Variants in CSMD1 observed in about 807,000 individuals in gnomAD.
The protein encoded by CSMD1 is CUB and sushi domain-containing protein 1.
In CSMD1, 213 loss-of-function variants were observed where a neutral mutation model predicts 417.5. That is an observed-to-expected ratio of 0.51 (90% CI 0.46 to 0.57). The LOEUF (loss-of-function observed/expected upper bound fraction) is 0.57. CSMD1 is among the 20% of genes least tolerant of loss of function. The pLI, the probability that CSMD1 is intolerant of heterozygous loss-of-function variation, is 0.00. For synonymous variants in CSMD1, 2,862 were observed against 1,736.8 expected (o/e 1.65, Z -16.11); for missense variants, 6,923 against 4,529.7 (o/e 1.53, Z -15.17).
intron 3 of CSMD1, among the ~76,000 whole-genome samples, chr8:4,212,335 T>C (rs1469508803): frequency 1.3e-5 from 2 of 152,074 alleles, no homozygotes; most frequent in Non-Finnish European, 2.9e-5. Context: ...TACAGGTAAC[T>C]TGAAGAAAAT....
chr8:4,249,791 G>C (rs1401754613), intron 3 of CSMD1, among the ~76,000 whole-genome samples: 1 of 152,116 alleles, frequency 6.6e-6, no homozygotes, highest in Non-Finnish European at 1.5e-5. Context: ...GGGAAATGAA[G>C]AACACAGTGT....
At chr8:4,303,722 C>G (rs893150067) in intron 3 of CSMD1, among the ~76,000 whole-genome samples, 15 of 151,928 alleles carry the variant, frequency 9.9e-5, no homozygotes, top group Non-Finnish European at 8.8e-5. Context: ...CTGTCATTAT[C>G]TTGGCTCACC....
chr8:3,477,091 G>C (rs988051096), intron 11 of CSMD1, among the ~76,000 whole-genome samples: 1 of 152,200 alleles, frequency 6.6e-6, no homozygotes, highest in East Asian at 1.9e-4. Context: ...TGTACACACA[G>C]AAAGTTCTAC....
At chr8:4,721,091 G>A (rs1162165038) in intron 1 of CSMD1, among the ~76,000 whole-genome samples, 2 of 152,124 alleles carry the variant, frequency 1.3e-5, no homozygotes, top group African/African-American at 4.8e-5. Flanking sequence ...GGGTTAAGGA[G>A]GAAGTATGAA....
At chr8:3,438,983 T>G (rs968964513) in intron 12 of CSMD1, among the ~76,000 whole-genome samples, 24 of 150,366 alleles carry the variant, frequency 1.6e-4, no homozygotes, top group Non-Finnish European at 3.3e-4. Flanking sequence ...GGCATGGTAG[T>G]GGGCACCTGT....
intron 3 of CSMD1, among the ~76,000 whole-genome samples, chr8:4,101,260 T>A (rs561856513): frequency 2.6e-5 from 4 of 152,348 alleles, no homozygotes; most frequent in African/African-American, 9.6e-5. Flanking sequence ...GGTTAACTCA[T>A]TGCAACACTT....
chr8:3,942,492 A>C (rs1221660374), intron 5 of CSMD1, among the ~76,000 whole-genome samples: 1 of 152,058 alleles, frequency 6.6e-6, no homozygotes, highest in Non-Finnish European at 1.5e-5. Flanking sequence ...TGGATGAGCA[A>C]TTTACCTTCA....
At chr8:4,426,321 T>C (rs1797552663) in intron 2 of CSMD1, among the ~76,000 whole-genome samples, 1 of 151,104 alleles carries the variant, frequency 6.6e-6, no homozygotes, top group African/African-American at 2.4e-5. Flanking sequence ...AAAAAGTTTT[T>C]TTAATTATGT....
chr8:3,128,906 G>A (rs201124105), intron 41 of CSMD1: 8 of 451,820 alleles, frequency 1.8e-5, no homozygotes, highest in Non-Finnish European at 3.1e-5. Context: ...TCCTCCTATT[G>A]CAAGAGACAA....
chr8:4,342,996 A>G (rs1040155175), intron 3 of CSMD1, among the ~76,000 whole-genome samples: 2 of 152,112 alleles, frequency 1.3e-5, no homozygotes, highest in Non-Finnish European at 2.9e-5. Context: ...GCTGTAGCGT[A>G]GATTGCAGTG....
At chr8:4,387,493 A>T (rs1326459714) in intron 3 of CSMD1, among the ~76,000 whole-genome samples, 1 of 148,630 alleles carries the variant, frequency 6.7e-6, no homozygotes, top group Admixed American at 6.8e-5. Flanking sequence ...TCATACTTGC[A>T]TAATTGTTCA....
At chr8:3,496,645 G>A (rs941316113) in intron 10 of CSMD1, among the ~76,000 whole-genome samples, 45 of 152,094 alleles carry the variant, frequency 3.0e-4, no homozygotes, top group Non-Finnish European at 8.8e-5. Flanking sequence ...GGCAAACAGA[G>A]TGAAACCCTG....
At chr8:4,120,489 G>T (rs536123567) in intron 3 of CSMD1, among the ~76,000 whole-genome samples, 1 of 152,228 alleles carries the variant, frequency 6.6e-6, no homozygotes, top group East Asian at 1.9e-4. Flanking sequence ...GCTAGAAGAA[G>T]AACCAGGAGA....
At chr8:3,090,975 T>C (rs1354830245) in intron 48 of CSMD1, among the ~76,000 whole-genome samples, 1 of 152,078 alleles carries the variant, frequency 6.6e-6, no homozygotes, top group Non-Finnish European at 1.5e-5. Flanking sequence ...ATGATTACAG[T>C]ATATAAAGGG....
intron 2 of CSMD1, among the ~76,000 whole-genome samples, chr8:4,535,202 A>G (rs1047588043): frequency 6.6e-6 from 1 of 152,234 alleles, no homozygotes; most frequent in Admixed American, 6.5e-5. Context: ...AACTGCTTGA[A>G]ATATCAATAA....
chr8:3,984,706 TATATATA>T (rs1563284789), intron 5 of CSMD1, among the ~76,000 whole-genome samples: 60 of 47,246 alleles, frequency 1.3e-3, no homozygotes, highest in African/African-American at 1.8e-3. Context: ...GTATATATCA[TATATATA>T]TATATATATA....
chr8:3,354,939 A>AGATATCTATATC (rs1808679174), intron 21 of CSMD1, among the ~76,000 whole-genome samples: 4 of 143,370 alleles, frequency 2.8e-5, no homozygotes, highest in African/African-American at 1.2e-4. Flanking sequence ...ATATAGATAT[A>AGATATCTATATC]TATAGAGAGA....
intron 6 of CSMD1, among the ~76,000 whole-genome samples, chr8:3,741,816 T>C (rs890612274): frequency 1.3e-5 from 2 of 152,164 alleles, no homozygotes; most frequent in Non-Finnish European, 2.9e-5. Context: ...CTTCTACCCT[T>C]TCTTTCTCAA....
rs181034365 is a variant in CSMD1 at position 3,305,171 on chromosome 8, C to T, written c.3950+2524G>A. On this transcript the variant is annotated intron_variant, in intron 25 of 69. Coordinates refer to ENST00000635120, the MANE Select transcript of CSMD1 (RefSeq NM_033225.6). Reference sequence around the variant, plus strand: ...AAGTGCTGGGATGACAGGTGTGAGCCGCTATGCCTGGCCTATTTATTTCCA... The same window carrying T: ...AAGTGCTGGGATGACAGGTGTGAGCTGCTATGCCTGGCCTATTTATTTCCA... 2.8e-3 allele frequency among the ~76,000 whole-genome samples: 427 copies of T among 152,174 alleles called. 3 individuals carry two copies. Among genetic ancestry groups the T allele is most frequent in the African/African-American group, 6.3e-3 (263 of 41,518 alleles).
Sources: allele counts gnomAD v4.1 joint callset (sites outside exome capture counted in the v4.1 genomes callset), GRCh38; gene constraint gnomAD v4.1.1; transcripts MANE v1.5; gene names NCBI Gene and HGNC (gene_info 2026-07-23, HGNC 2026-07-21).